PTPRK: variants seen among roughly 807,000 people sequenced by gnomAD.
The protein encoded by PTPRK is receptor-type tyrosine-protein phosphatase kappa.
Under a neutral mutation model 178.0 loss-of-function variants are expected in PTPRK, and 75 were observed. The observed-to-expected ratio is 0.42, with a 90% CI of 0.35 to 0.51. PTPRK has a LOEUF of 0.51. PTPRK is among the 20% of genes least tolerant of loss of function. The probability of loss-of-function intolerance (pLI) is 0.02; values close to 1 mark genes in which losing one functional copy is unlikely to be tolerated. For missense variants in PTPRK, 1,441 were observed against 1,797.8 expected (o/e 0.80, Z 3.59); for synonymous variants, 637 against 620.6 (o/e 1.03, Z -0.39).
intron 3 of PTPRK, among the ~76,000 whole-genome samples, chr6:128,243,972 G>A (rs80014073): frequency 2.0e-5 from 3 of 152,120 alleles, no homozygotes; most frequent in East Asian, 3.8e-4. Flanking sequence ...TGGGAATGGT[G>A]AGATGAGAAG....
At chr6:128,015,410 A>G (rs1779495604) in intron 13 of PTPRK, among the ~76,000 whole-genome samples, 1 of 151,674 alleles carries the variant, frequency 6.6e-6, no homozygotes, top group Admixed American at 6.6e-5. Flanking sequence ...AGTTGATTCT[A>G]TCTGCTTAGT....
chr6:128,087,646 T>A (rs1311609852), intron 8 of PTPRK, among the ~76,000 whole-genome samples: 3 of 152,124 alleles, frequency 2.0e-5, no homozygotes, highest in Admixed American at 1.3e-4. Context: ...GCTACTTCAA[T>A]TAGGTGCCAG....
intron 1 of PTPRK, among the ~76,000 whole-genome samples, chr6:128,477,538 A>G (rs1851521696): frequency 6.6e-6 from 1 of 152,298 alleles, no homozygotes; most frequent in East Asian, 1.9e-4. Flanking sequence ...TCATAGCTGC[A>G]TTCAACATTC....
At chr6:128,279,496 T>A (rs781200140) in intron 3 of PTPRK, among the ~76,000 whole-genome samples, 1 of 152,182 alleles carries the variant, frequency 6.6e-6, no homozygotes, top group Non-Finnish European at 1.5e-5. Flanking sequence ...CAGGTAAATC[T>A]GTTATGGCAG....
chr6:127,991,609 C>T (rs1283280857), intron 19 of PTPRK, among the ~76,000 whole-genome samples: 1 of 148,196 alleles, frequency 6.7e-6, no homozygotes, highest in East Asian at 2.0e-4. Flanking sequence ...TCAATTTGCC[C>T]TCTACACTTC....
intron 13 of PTPRK, among the ~76,000 whole-genome samples, chr6:128,020,421 A>G (rs996615680): frequency 3.9e-4 from 59 of 152,282 alleles, no homozygotes; most frequent in African/African-American, 1.4e-3. Context: ...ACGTTGGGGG[A>G]AAAAGCTTCA....
At chr6:128,368,842 G>T (rs1280059473) in intron 2 of PTPRK, among the ~76,000 whole-genome samples, 1 of 151,816 alleles carries the variant, frequency 6.6e-6, no homozygotes, top group Non-Finnish European at 1.5e-5. Flanking sequence ...TACAATAATG[G>T]TCTTTAAAAT....
intron 22 of PTPRK, 28 bp from the exon 23 acceptor site, chr6:127,983,405 G>T (rs1338750350): frequency 1.2e-6 from 2 of 1,608,532 alleles, no homozygotes; most frequent in Non-Finnish European, 1.7e-6. Context: ...TTAATGAATT[G>T]TAAGAAGCAT....
chr6:128,058,058 T>C (rs1780202464), intron 13 of PTPRK, among the ~76,000 whole-genome samples: 1 of 152,222 alleles, frequency 6.6e-6, no homozygotes, highest in African/African-American at 2.4e-5. Flanking sequence ...AACTTACTTA[T>C]CCAATCTACT....
intron 2 of PTPRK, among the ~76,000 whole-genome samples, chr6:128,361,058 T>C (rs935384387): frequency 2.0e-5 from 3 of 152,166 alleles, no homozygotes; most frequent in Admixed American, 6.5e-5. Flanking sequence ...TGTCTAAGTA[T>C]TGAGTATCTA....
At chr6:128,260,665 A>G (rs1818045478) in intron 3 of PTPRK, among the ~76,000 whole-genome samples, 1 of 152,192 alleles carries the variant, frequency 6.6e-6, no homozygotes, top group African/African-American at 2.4e-5. Flanking sequence ...AAAGACTCAT[A>G]TAACCACTAC....
At chr6:128,279,806 G>C (rs767120108) in intron 3 of PTPRK, among the ~76,000 whole-genome samples, 2 of 152,084 alleles carry the variant, frequency 1.3e-5, no homozygotes, top group Non-Finnish European at 2.9e-5. Flanking sequence ...GAAAGTATTC[G>C]TGGATCACAG....
chr6:128,245,435 C>T (rs939966260), intron 3 of PTPRK, among the ~76,000 whole-genome samples: 10 of 152,186 alleles, frequency 6.6e-5, no homozygotes, highest in South Asian at 4.1e-4. Flanking sequence ...TAAACCCTTT[C>T]CATTCTCACA....
intron 15 of PTPRK, among the ~76,000 whole-genome samples, chr6:128,002,595 G>A (rs1777962017): frequency 6.6e-6 from 1 of 151,820 alleles, no homozygotes. Flanking sequence ...CATTGTCTTA[G>A]ATGTTATACA....
intron 17 of PTPRK, 105 bp from the exon 18 acceptor site, chr6:127,995,643 C>T (rs1418926762): frequency 3.1e-6 from 2 of 645,946 alleles, no homozygotes; most frequent in Non-Finnish European, 5.3e-6. Context: ...ATAGTCTATC[C>T]ATAGTATACT....
At chr6:128,327,864 T>C (rs998251549) in intron 2 of PTPRK, among the ~76,000 whole-genome samples, 1 of 136,126 alleles carries the variant, frequency 7.3e-6, no homozygotes, top group African/African-American at 2.6e-5. Context: ...GAGAATCAGA[T>C]TTCCTTAAAG....
At chr6:128,183,279 T>G (rs981554914) in intron 7 of PTPRK, among the ~76,000 whole-genome samples, 1 of 152,170 alleles carries the variant, frequency 6.6e-6, no homozygotes, top group East Asian at 1.9e-4. Context: ...ATTTGTCACA[T>G]GACCTCGATT....
intron 2 of PTPRK, among the ~76,000 whole-genome samples, chr6:128,353,044 C>T (rs567244689): frequency 2.0e-5 from 3 of 152,006 alleles, no homozygotes; most frequent in Non-Finnish European, 2.9e-5. Context: ...ACACTCAGCA[C>T]TTAAAAAAAA....
chr6:128,228,386 C>T (rs1423190776), intron 5 of PTPRK, among the ~76,000 whole-genome samples: 1 of 151,554 alleles, frequency 6.6e-6, no homozygotes, highest in East Asian at 1.9e-4. Flanking sequence ...GTGGCTCACG[C>T]CTGTAATCCC....
Sources: allele counts gnomAD v4.1 joint callset (sites outside exome capture counted in the v4.1 genomes callset), GRCh38; gene constraint gnomAD v4.1.1; transcripts MANE v1.5; gene names NCBI Gene and HGNC (gene_info 2026-07-23, HGNC 2026-07-21).